Variants in METTL15 observed in about 807,000 individuals in gnomAD.
The protein encoded by METTL15 is 12S rRNA N(4)-cytidine methyltransferase METTL15.
METTL15 carries 34 observed loss-of-function variants against 38.3 expected under a neutral mutation model. That is an observed-to-expected ratio of 0.89 (90% CI 0.68 to 1.18). The LOEUF (loss-of-function observed/expected upper bound fraction) is 1.18, where lower values mean the gene tolerates loss of function less well. Ranked by LOEUF, METTL15 falls within the 50% of genes most tolerant of loss-of-function variation. METTL15 has a pLI of 0.00. For synonymous variants in METTL15, 162 were observed against 170.9 expected (o/e 0.95, Z 0.41); for missense variants, 438 against 498.4 (o/e 0.88, Z 1.15).
intron 5 of METTL15, among the ~76,000 whole-genome samples, chr11:28,368,303 A>G (rs928029524): frequency 6.6e-6 from 1 of 152,164 alleles, no homozygotes; most frequent in Non-Finnish European, 1.5e-5. Context: ...ACAAATTTTC[A>G]AGAAAAAAAC....
intron 3 of METTL15, among the ~76,000 whole-genome samples, chr11:28,152,516 A>T (rs1850126250): frequency 6.6e-6 from 1 of 151,970 alleles, no homozygotes; most frequent in Non-Finnish European, 1.5e-5. Context: ...AATGTTAGGA[A>T]ACGTTTCTTT....
At chr11:28,298,998 A>C (rs1373372324) in intron 6 of METTL15, among the ~76,000 whole-genome samples, 1 of 152,154 alleles carries the variant, frequency 6.6e-6, no homozygotes, top group African/African-American at 2.4e-5. Flanking sequence ...AATAGATTAA[A>C]CAGTCAGGGA....
rs147188110 is a variant in METTL15, at chr11:28,314,498, G to A, written c.779-15898G>A. Among the ~76,000 whole-genome samples the A allele has an allele frequency of 1.0e-3, 157 of 152,280 alleles. 2 individuals carry two copies. The highest frequency in any genetic ancestry group is 3.0e-3 in the Admixed American group (46 of 15,292). ...AATATTCATAAAGGGTTCAAATAAAGTATTTTGTAATGGGTCTCAAATATG... is the reference window on the plus strand; with the variant it reads ...AATATTCATAAAGGGTTCAAATAAAATATTTTGTAATGGGTCTCAAATATG... On this transcript the variant is annotated intron_variant, in intron 6 of 6. Transcript: ENST00000407364.
intron 4 of METTL15, among the ~76,000 whole-genome samples, chr11:28,261,835 A>G (rs1389714786): frequency 6.6e-6 from 1 of 152,190 alleles, no homozygotes; most frequent in African/African-American, 2.4e-5. Context: ...ACTGCATACT[A>G]TGTGCTAATC....
At chr11:28,277,807 A>C (rs1346348880) in intron 4 of METTL15, among the ~76,000 whole-genome samples, 2 of 152,150 alleles carry the variant, frequency 1.3e-5, no homozygotes, top group African/African-American at 4.8e-5. Context: ...CATAAAGACA[A>C]ATATTGTATG....
chr11:28,240,573 A>G (rs1395490322), intron 4 of METTL15, among the ~76,000 whole-genome samples: 3 of 152,224 alleles, frequency 2.0e-5, no homozygotes, highest in Non-Finnish European at 4.4e-5. Flanking sequence ...ATCCAGTCAT[A>G]TAGCAAATAG....
At chr11:28,151,286 TGC>T (rs1011866293) in intron 3 of METTL15, among the ~76,000 whole-genome samples, 9 of 151,978 alleles carry the variant, frequency 5.9e-5, no homozygotes, top group Admixed American at 2.6e-4. Context: ...AAACATCATG[TGC>T]CCACCTTCTC....
chr11:28,329,386 C>T (rs1261595301), intron 6 of METTL15, among the ~76,000 whole-genome samples: 3 of 152,038 alleles, frequency 2.0e-5, no homozygotes, highest in Admixed American at 1.3e-4. Context: ...AATGTAAGTC[C>T]TGCTACTTTA....
At chr11:28,238,121 CTG>C (rs1316744723) in intron 4 of METTL15, among the ~76,000 whole-genome samples, 1 of 152,216 alleles carries the variant, frequency 6.6e-6, no homozygotes, top group Non-Finnish European at 1.5e-5. Context: ...GGGAGAACCA[CTG>C]CTCTCTTCAA....
downstream of METTL15, among the ~76,000 whole-genome samples, chr11:28,335,839 T>C (rs1217179946): frequency 6.6e-6 from 1 of 152,198 alleles, no homozygotes; most frequent in East Asian, 1.9e-4. Context: ...GCTTCTTGTA[T>C]GGCCTAGAAA....
intron 1 of METTL15, among the ~76,000 whole-genome samples, chr11:28,109,808 C>A (rs1445067903): frequency 6.6e-6 from 1 of 152,216 alleles, no homozygotes. Flanking sequence ...TTCAGTGTTA[C>A]ACTTGCCATT....
intron 6 of METTL15, among the ~76,000 whole-genome samples, chr11:28,435,233 T>A (rs772732724): frequency 1.2e-4 from 19 of 152,200 alleles, no homozygotes; most frequent in Non-Finnish European, 2.6e-4. Flanking sequence ...TCAGGTTCAT[T>A]ACATGCTGCT....
intron 3 of METTL15, among the ~76,000 whole-genome samples, chr11:28,206,559 T>C (rs1852355524): frequency 6.6e-6 from 1 of 151,116 alleles, no homozygotes; most frequent in African/African-American, 2.4e-5. Flanking sequence ...CCAGTTTTGT[T>C]CTTTTGCCTT....
chr11:28,419,159 T>C (rs1162826656), intron 5 of METTL15, among the ~76,000 whole-genome samples: 1 of 152,156 alleles, frequency 6.6e-6, no homozygotes, highest in Admixed American at 6.5e-5. Flanking sequence ...AATAGCCAAG[T>C]AGTGATTACA....
intron 4 of METTL15, among the ~76,000 whole-genome samples, chr11:28,233,633 AATT>A (rs1321825620): frequency 6.6e-6 from 1 of 152,012 alleles, no homozygotes. Flanking sequence ...AATAAATGCT[AATT>A]ATTGTTACCA....
chr11:28,497,525 G>A (rs1851544796), intron 6 of METTL15, among the ~76,000 whole-genome samples: 1 of 152,166 alleles, frequency 6.6e-6, no homozygotes, highest in African/African-American at 2.4e-5. Context: ...GAATGCAGGG[G>A]TGTCTTACTC....
chr11:28,124,485 A>G (rs150863414), intron 3 of METTL15, among the ~76,000 whole-genome samples: 101 of 152,222 alleles, frequency 6.6e-4, no homozygotes, highest in African/African-American at 2.2e-3. Context: ...GTGCAAGGAA[A>G]CCTTATATTT....
intron 6 of METTL15, among the ~76,000 whole-genome samples, chr11:28,468,306 A>C (rs1261717254): frequency 6.6e-6 from 1 of 152,142 alleles, no homozygotes; most frequent in Non-Finnish European, 1.5e-5. Context: ...TCACAAGTTG[A>C]GGGTAACTCC....
intron 6 of METTL15, among the ~76,000 whole-genome samples, chr11:28,477,976 T>C (rs1447716981): frequency 1.3e-5 from 2 of 152,226 alleles, no homozygotes; most frequent in Non-Finnish European, 2.9e-5. Context: ...GTTGGTGGTC[T>C]CTGTTGGCCA....
Sources: allele counts gnomAD v4.1 joint callset (sites outside exome capture counted in the v4.1 genomes callset), GRCh38; gene constraint gnomAD v4.1.1; transcripts MANE v1.5; gene names NCBI Gene and HGNC (gene_info 2026-07-23, HGNC 2026-07-21).